Variants in FDX1 observed in about 807,000 individuals in gnomAD.
The protein encoded by FDX1 is adrenodoxin, mitochondrial.
FDX1 carries 9 observed loss-of-function variants against 14.9 expected under a neutral mutation model. The observed-to-expected ratio is 0.60, with a 90% CI of 0.36 to 1.05. The LOEUF is 1.05. Ranked by LOEUF, FDX1 falls within the 50% of genes least tolerant of loss-of-function variation. The probability of loss-of-function intolerance (pLI) is 0.01; values close to 1 mark genes in which losing one functional copy is unlikely to be tolerated. For synonymous variants in FDX1, 92 were observed against 99.4 expected (o/e 0.93, Z 0.44); for missense variants, 204 against 237.2 (o/e 0.86, Z 0.92).
intron 2 of FDX1, among the ~76,000 whole-genome samples, chr11:110,441,291 A>T (rs546433567): frequency 6.6e-6 from 1 of 152,336 alleles, no homozygotes; most frequent in South Asian, 2.1e-4. Flanking sequence ...GATACCCCAA[A>T]TGTGGAAGCA....
chr11:110,454,320 C>T (rs994178809), intron 2 of FDX1, among the ~76,000 whole-genome samples: 3 of 152,150 alleles, frequency 2.0e-5, no homozygotes, highest in African/African-American at 7.2e-5. Flanking sequence ...GAATTTGAAG[C>T]CTATGAACAG....
chr11:110,429,657 G>A (rs1946314634), upstream of FDX1, among the ~76,000 whole-genome samples: 1 of 152,138 alleles, frequency 6.6e-6, no homozygotes, highest in Non-Finnish European at 1.5e-5. Context: ...ACTCCAAGAT[G>A]ACACAATTTC....
chr11:110,429,755 T>A (rs1946315456), upstream of FDX1: 1 of 166,502 alleles, frequency 6.0e-6, no homozygotes, highest in South Asian at 2.0e-4. Context: ...GACGTCCAGC[T>A]ATCTTTCAAA....
intron 3 of FDX1, among the ~76,000 whole-genome samples, chr11:110,460,258 C>T (rs1946548327): frequency 1.3e-5 from 2 of 152,128 alleles, no homozygotes; most frequent in Admixed American, 1.3e-4. Flanking sequence ...TGGTTAAGCA[C>T]ACTCCTTTAC....
At chr11:110,453,723 C>T (rs914146690) in intron 2 of FDX1, among the ~76,000 whole-genome samples, 8 of 151,990 alleles carry the variant, frequency 5.3e-5, no homozygotes, top group African/African-American at 1.9e-4. Flanking sequence ...TTTCTTTTTA[C>T]TTTTCTATTT....
intron 3 of FDX1, among the ~76,000 whole-genome samples, chr11:110,458,962 T>C (rs1373930704): frequency 6.6e-6 from 1 of 152,212 alleles, no homozygotes; most frequent in African/African-American, 2.4e-5. Flanking sequence ...GGATGATACA[T>C]GGACAGCCTC....
intron 2 of FDX1, among the ~76,000 whole-genome samples, chr11:110,442,153 G>A (rs972238933): frequency 6.6e-6 from 1 of 152,222 alleles, no homozygotes; most frequent in Non-Finnish European, 1.5e-5. Flanking sequence ...GATGTTCCAG[G>A]CAGTAGTTTT....
intron 2 of FDX1, among the ~76,000 whole-genome samples, chr11:110,455,947 C>A (rs1321688621): frequency 6.6e-6 from 1 of 152,010 alleles, no homozygotes; most frequent in Non-Finnish European, 1.5e-5. Flanking sequence ...CTGAGTAATA[C>A]CAGGAAAGGG....
intron 2 of FDX1, among the ~76,000 whole-genome samples, chr11:110,442,285 C>T (rs936430651): frequency 8.5e-5 from 13 of 152,216 alleles, no homozygotes; most frequent in African/African-American, 3.1e-4. Context: ...GCGAAGAGGG[C>T]CACTGCCCTC....
chr11:110,436,737 T>G (rs1329958564), intron 2 of FDX1, among the ~76,000 whole-genome samples: 4 of 152,166 alleles, frequency 2.6e-5, no homozygotes, highest in Non-Finnish European at 4.4e-5. Context: ...TGACTCTGCT[T>G]CTTTCAAGGC....
At chr11:110,447,273 CAAAAAAAAAAA>C (rs541827807) in intron 2 of FDX1, among the ~76,000 whole-genome samples, 3 of 75,752 alleles carry the variant, frequency 4.0e-5, no homozygotes, top group East Asian at 3.3e-4. Context: ...ACTAAAAATA[CAAAAAAAAAAA>C]AAAAAAAAAA....
chr11:110,457,516 TATTA>T (rs573588753), intron 3 of FDX1, among the ~76,000 whole-genome samples: 97 of 152,300 alleles, frequency 6.4e-4, no homozygotes, highest in African/African-American at 2.3e-3. Context: ...TTATTCTTGT[TATTA>T]ATTAATAGTT....
chr11:110,446,261 A>C (rs1946449386), intron 2 of FDX1, among the ~76,000 whole-genome samples: 1 of 152,236 alleles, frequency 6.6e-6, no homozygotes, highest in Non-Finnish European at 1.5e-5. Flanking sequence ...TTATGGGGGC[A>C]GCTGTTTCAT....
At chr11:110,429,344 C>T (rs966116576), upstream of FDX1, among the ~76,000 whole-genome samples, 10 of 152,150 alleles carry the variant, frequency 6.6e-5, no homozygotes, top group African/African-American at 2.4e-4. Context: ...AACATATGAA[C>T]CATGATAAGG....
chr11:110,443,432 A>G (rs1159704611), intron 2 of FDX1, among the ~76,000 whole-genome samples: 1 of 150,692 alleles, frequency 6.6e-6, no homozygotes, highest in Non-Finnish European at 1.5e-5. Context: ...TGGACTTAAT[A>G]ATATCCTTTT....
chr11:110,451,882 T>A (rs1477501793), intron 2 of FDX1, among the ~76,000 whole-genome samples: 1 of 152,260 alleles, frequency 6.6e-6, no homozygotes, highest in Middle Eastern at 3.2e-3. Flanking sequence ...ACATTTTCTT[T>A]ATCTCTTTAT....
intron 2 of FDX1, among the ~76,000 whole-genome samples, chr11:110,437,538 A>G (rs140678864): frequency 4.3e-4 from 66 of 152,092 alleles, no homozygotes; most frequent in African/African-American, 1.3e-3. Flanking sequence ...TGTGGTTTTG[A>G]TTTGTATTTC....
At chr11:110,453,423 A>C (rs1020830131) in intron 2 of FDX1, among the ~76,000 whole-genome samples, 4 of 152,208 alleles carry the variant, frequency 2.6e-5, no homozygotes, top group African/African-American at 7.2e-5. Flanking sequence ...CATAGCTCTC[A>C]TGAAATTGGC....
intron 2 of FDX1, among the ~76,000 whole-genome samples, chr11:110,454,499 C>G (rs911097884): frequency 6.6e-6 from 1 of 152,176 alleles, no homozygotes; most frequent in East Asian, 1.9e-4. Flanking sequence ...TAGTTGCCTA[C>G]AGCATTGGGA....
Sources: gnomAD v4.1 joint callset for allele counts (sites outside exome capture counted in the v4.1 genomes callset) on GRCh38, gnomAD v4.1.1 for gene constraint, MANE v1.5 for transcripts, NCBI Gene and HGNC (gene_info 2026-07-23, HGNC 2026-07-21) for gene names.